IARS1: variants seen among roughly 807,000 people sequenced by gnomAD.
IARS1 encodes isoleucine--tRNA ligase, cytoplasmic.
A neutral mutation model predicts 168.2 loss-of-function variants in IARS1; 124 were observed. The ratio of observed to expected loss-of-function variants is 0.74; its 90% confidence interval spans 0.64 to 0.86. The LOEUF (loss-of-function observed/expected upper bound fraction) is 0.86. Ranked by LOEUF, IARS1 falls within the 40% of genes least tolerant of loss-of-function variation. IARS1 has a pLI of 0.00. For missense variants in IARS1, 1,452 were observed against 1,515.8 expected (o/e 0.96, Z 0.70); for synonymous variants, 532 against 529.4 (o/e 1.00, Z -0.07).
At position 92,274,488 on chromosome 9, in the gene IARS1, C is replaced by G; in HGVS notation, c.928G>C (p.Asp310His). 6.2e-7 allele frequency: 1 copy of G among 1,613,870 alleles called. No individual in the cohort carries two copies. The highest frequency in any genetic ancestry group is 8.5e-7 in the Non-Finnish European group (1 of 1,179,864). The change falls in exon 10 of 34, where the codon GAC (aspartate) becomes CAC (histidine). Residue 310 changes from aspartate (D) to histidine (H), a missense_variant. By Grantham distance (81) the Asp-to-His change is moderately conservative. Coordinates refer to ENST00000443024, the MANE Select transcript of IARS1 (RefSeq NM_002161.6). Reference protein sequence around the residue: ...KENGAFTVLVDNYVKEEEGTG... With the variant: ...KENGAFTVLVHNYVKEEEGTG... ...CCTTCTTCTTCCTTCACATAGTTGT[C>G]AACAAGCACAGTGAAAGCGCCATTC...
chr9:92,240,030 G>A (rs1040728343), intron 30 of IARS1, among the ~76,000 whole-genome samples: 1 of 151,962 alleles, frequency 6.6e-6, no homozygotes. Flanking sequence ...TCCAACTTTG[G>A]GTATACGAGG....
rs201446961 is a variant in IARS1 at position 92,258,846 on chromosome 9, G to A, written c.2016+8C>T. ...GCAGGTACATGTGCAGCCCCCTACAGCCCATACCTTCTGGAGCCTCAGAAC... is the reference window on the plus strand; with the variant it reads ...GCAGGTACATGTGCAGCCCCCTACAACCCATACCTTCTGGAGCCTCAGAAC... On this transcript the variant is annotated splice_region_variant and intron_variant, in intron 19 of 33. Coordinates refer to ENST00000443024, the MANE Select transcript of IARS1 (RefSeq NM_002161.6). 3.1e-4 allele frequency: 492 copies of A among 1,602,354 alleles called. 3 individuals carry two copies. In the African/African-American group the frequency reaches 6.0e-3, roughly 20 times the overall value.
chr9:92,254,617 G>C (rs1297548434), intron 20 of IARS1, among the ~76,000 whole-genome samples: 1 of 152,130 alleles, frequency 6.6e-6, no homozygotes, highest in African/African-American at 2.4e-5. Flanking sequence ...GATTTCTAGG[G>C]TTCACGGCAC....
intron 12 of IARS1, among the ~76,000 whole-genome samples, chr9:92,270,567 G>A (rs1832876777): frequency 6.6e-6 from 1 of 152,128 alleles, no homozygotes; most frequent in Non-Finnish European, 1.5e-5. Context: ...GGACAAGGTG[G>A]GAGGATTATT....
At chr9:92,237,870 G>A (rs1436968560) in intron 30 of IARS1, among the ~76,000 whole-genome samples, 1 of 152,066 alleles carries the variant, frequency 6.6e-6, no homozygotes, top group Admixed American at 6.6e-5. Context: ...CATATACTTG[G>A]CTAATGTGTT....
intron 16 of IARS1, 110 bp downstream of exon 16, chr9:92,264,819 T>C (rs1043337039): frequency 7.4e-6 from 7 of 948,204 alleles, no homozygotes; most frequent in Non-Finnish European, 9.4e-6. Context: ...CCTGTCTTAT[T>C]TGCCACAATC....
rs1839932749 is a variant in IARS1, at chr9:92,223,343, T to TA, written c.3553+2dup. The TA allele has an allele frequency of 6.2e-7, 1 of 1,608,382 alleles. No individual in the cohort carries two copies. The highest frequency in any genetic ancestry group is 1.1e-5 in the South Asian group (1 of 90,296). ...AGTCTGCCTGCTGTGGGGAGGCACA[T>TA]ACCTTGTGGCTTTGCATTCAGGAGC... On this transcript the variant is annotated splice_region_variant and intron_variant, in intron 32 of 33. Coordinates refer to ENST00000443024, the MANE Select transcript of IARS1 (RefSeq NM_002161.6).
At chr9:92,266,674 TTCTC>T (rs373825173) in intron 14 of IARS1, among the ~76,000 whole-genome samples, 161 of 152,266 alleles carry the variant, frequency 1.1e-3, no homozygotes, top group African/African-American at 3.6e-3. Context: ...AGTGAGTTAG[TTCTC>T]TCTCTATTAG....
At chr9:92,228,439 T>C (rs1403402226) in intron 31 of IARS1, among the ~76,000 whole-genome samples, 1 of 151,514 alleles carries the variant, frequency 6.6e-6, no homozygotes, top group African/African-American at 2.4e-5. Context: ...CGGTTGGGTG[T>C]GGTAGCTCAC....
chr9:92,220,401 AAAACTT>A (rs1177772873), intron 33 of IARS1, among the ~76,000 whole-genome samples: 1 of 151,668 alleles, frequency 6.6e-6, no homozygotes, highest in Non-Finnish European at 1.5e-5. Flanking sequence ...CATGTACCCT[AAAACTT>A]AAAGTATAAT....
chr9:92,223,219 G>T, intron 32 of IARS1, 127 bp downstream of exon 32: 1 of 745,810 alleles, frequency 1.3e-6, no homozygotes, highest in Non-Finnish European at 2.0e-6. Flanking sequence ...GCTCCCCAAA[G>T]TTGCGTGAGA....
chr9:92,264,835 A>T, intron 16 of IARS1, 94 bp downstream of exon 16: 1 of 1,093,312 alleles, frequency 9.1e-7, no homozygotes, highest in Non-Finnish European at 1.3e-6. Flanking sequence ...CAATCTCTCC[A>T]TCACCCAGTA....
intron 23 of IARS1, 121 bp downstream of exon 23, chr9:92,250,592 G>T: frequency 8.8e-7 from 1 of 1,141,480 alleles, no homozygotes; most frequent in Non-Finnish European, 1.2e-6. Context: ...GTTCATGTCA[G>T]CTGGGGCGGG....
At chr9:92,292,745 T>C (rs1175409856) in intron 1 of IARS1, among the ~76,000 whole-genome samples, 2 of 152,212 alleles carry the variant, frequency 1.3e-5, no homozygotes, top group East Asian at 1.9e-4. Context: ...CGTTCAGCAA[T>C]TTCGAGACCA....
chr9:92,239,212 G>C (rs986510096), intron 30 of IARS1, among the ~76,000 whole-genome samples: 2 of 151,972 alleles, frequency 1.3e-5, no homozygotes, highest in Non-Finnish European at 2.9e-5. Context: ...ACATCCTTTA[G>C]CTACTCTTTT....
intron 33 of IARS1, among the ~76,000 whole-genome samples, chr9:92,221,013 A>G (rs569062452): frequency 8.5e-5 from 13 of 152,250 alleles, no homozygotes; most frequent in African/African-American, 3.1e-4. Flanking sequence ...TAACAGAAAT[A>G]AACACTGCCT....
At chr9:92,293,417 G>C in intron 1 of IARS1, 194 bp downstream of exon 1, 1 of 530,676 alleles carries the variant, frequency 1.9e-6, no homozygotes, top group South Asian at 1.4e-5. Context: ...ATTTTAAAAA[G>C]ATTTTACTCA....
chr9:92,286,018 A>G (rs1835397435), intron 5 of IARS1, 179 bp from the exon 6 acceptor site: 1 of 542,086 alleles, frequency 1.8e-6, no homozygotes. Context: ...TCAGGCAGAC[A>G]TTAAAATGCT....
chr9:92,261,508 C>T (rs922509121), intron 17 of IARS1, among the ~76,000 whole-genome samples: 10 of 152,168 alleles, frequency 6.6e-5, no homozygotes, highest in Non-Finnish European at 1.0e-4. Context: ...AGTAACCTGA[C>T]TGTGCTGCTG....
Sources: gnomAD v4.1 joint callset for allele counts (sites outside exome capture counted in the v4.1 genomes callset) on GRCh38, gnomAD v4.1.1 for gene constraint, MANE v1.5 for transcripts, NCBI Gene and HGNC (gene_info 2026-07-23, HGNC 2026-07-21) for gene names.